Variants in CADM2 observed in about 807,000 individuals in gnomAD.
The protein encoded by CADM2 is immunoglobulin superfamily member 4D.
Under a neutral mutation model 49.8 loss-of-function variants are expected in CADM2, and 12 were observed. The ratio of observed to expected loss-of-function variants is 0.24; its 90% confidence interval spans 0.15 to 0.39. The LOEUF is 0.39. Among genes scored for constraint, CADM2 ranks in the 10% least tolerant of loss-of-function variants. The probability of loss-of-function intolerance (pLI) is 1.00; values close to 1 mark genes in which losing one functional copy is unlikely to be tolerated. For synonymous variants in CADM2, 214 were observed against 175.4 expected (o/e 1.22, Z -1.74); for missense variants, 378 against 492.3 (o/e 0.77, Z 2.20).
intron 1 of CADM2, among the ~76,000 whole-genome samples, chr3:85,069,177 T>C (rs1213466386): frequency 2.0e-5 from 3 of 151,620 alleles, no homozygotes; most frequent in East Asian, 1.9e-4. Flanking sequence ...GGAAGAATAA[T>C]GGAAGAGAGA....
chr3:85,139,354 A>T (rs2039510584), intron 1 of CADM2, among the ~76,000 whole-genome samples: 1 of 152,152 alleles, frequency 6.6e-6, no homozygotes, highest in South Asian at 2.1e-4. Context: ...ATCATTTGAG[A>T]CAAAATAATT....
intron 2 of CADM2, among the ~76,000 whole-genome samples, chr3:85,760,201 C>T (rs1016878775): frequency 2.6e-5 from 4 of 152,086 alleles, no homozygotes; most frequent in Non-Finnish European, 5.9e-5. Flanking sequence ...CAAATGTACA[C>T]ATTGGGAAAA....
At chr3:85,715,139 G>A (rs1057101583) in intron 1 of CADM2, among the ~76,000 whole-genome samples, 1 of 152,144 alleles carries the variant, frequency 6.6e-6, no homozygotes, top group Non-Finnish European at 1.5e-5. Context: ...TGCATAGGGA[G>A]AGAATGCTTA....
rs1001845755 is a variant in CADM2, at chr3:85,154,832, C to G, written c.61+195164C>G. ...TTTCAACCCAGAATTTCATATCCAG[C>G]CAAACTAAGCTTCATAAGTGAAGGA... On this transcript the variant is annotated intron_variant, in intron 1 of 9. Transcript: ENST00000383699. 2.2e-3 allele frequency among the ~76,000 whole-genome samples: 322 copies of G among 148,246 alleles called. 2 individuals carry two copies. The highest frequency in any genetic ancestry group is 8.0e-3 in the South Asian group (36 of 4,508).
intron 1 of CADM2, among the ~76,000 whole-genome samples, chr3:85,082,138 T>G (rs183917380): frequency 6.6e-6 from 1 of 152,290 alleles, no homozygotes; most frequent in East Asian, 1.9e-4. Context: ...CACAAGCGTC[T>G]CTTCTGTCAT....
intron 5 of CADM2, among the ~76,000 whole-genome samples, chr3:85,905,457 G>C (rs146713213): frequency 6.0e-4 from 91 of 152,146 alleles, no homozygotes; most frequent in African/African-American, 2.0e-3. Flanking sequence ...TTACTAGAAG[G>C]AAAAGAAGCT....
intron 1 of CADM2, among the ~76,000 whole-genome samples, chr3:85,686,308 G>GA (rs1284750593): frequency 6.6e-6 from 1 of 152,044 alleles, no homozygotes; most frequent in African/African-American, 2.4e-5. Context: ...TGTACATATT[G>GA]AAAAAAATGC....
At chr3:85,282,272 T>C (rs1229958517) in intron 1 of CADM2, among the ~76,000 whole-genome samples, 2 of 147,122 alleles carry the variant, frequency 1.4e-5, no homozygotes, top group Admixed American at 1.4e-4. Flanking sequence ...TTTTGCCTTT[T>C]TTTTTTTTTC....
chr3:85,159,557 C>T (rs2040250500), intron 1 of CADM2, among the ~76,000 whole-genome samples: 1 of 152,102 alleles, frequency 6.6e-6, no homozygotes. Context: ...AAAAATTTTT[C>T]GTAGTGCTTA....
chr3:85,112,518 G>A (rs2038495631), intron 1 of CADM2, among the ~76,000 whole-genome samples: 1 of 151,802 alleles, frequency 6.6e-6, no homozygotes, highest in African/African-American at 2.4e-5. Context: ...AGGAGGAAAA[G>A]TCACTGCTAT....
chr3:85,227,452 C>CTTTTTTTTTTTT, intron 1 of CADM2, among the ~76,000 whole-genome samples: 1 of 120,846 alleles, frequency 8.3e-6, no homozygotes, highest in African/African-American at 3.2e-5. Flanking sequence ...GCAACCCCTG[C>CTTTTTTTTTTTT]TTTTTTTTTT....
chr3:85,719,590 A>G (rs1184837012), intron 1 of CADM2, among the ~76,000 whole-genome samples: 3 of 152,210 alleles, frequency 2.0e-5, no homozygotes, highest in Admixed American at 2.0e-4. Context: ...ACTCTTCATT[A>G]AGTGGAGGTG....
At chr3:85,883,246 G>T (rs1400577618) in intron 3 of CADM2, 45 bp from the exon 4 acceptor site, 13 of 1,531,314 alleles carry the variant, frequency 8.5e-6, no homozygotes, top group Non-Finnish European at 1.2e-5. Flanking sequence ...AATACTGACT[G>T]TTTCTGATGT....
At chr3:85,970,443 G>T (rs1725980361) in intron 8 of CADM2, among the ~76,000 whole-genome samples, 1 of 151,456 alleles carries the variant, frequency 6.6e-6, no homozygotes, top group Admixed American at 6.6e-5. Context: ...TTCAGGGATT[G>T]TGTTCTAAGG....
intron 1 of CADM2, among the ~76,000 whole-genome samples, chr3:85,607,359 A>AG (rs1460365115): frequency 6.6e-6 from 1 of 152,106 alleles, no homozygotes; most frequent in Non-Finnish European, 1.5e-5. Context: ...GACAGTGTGC[A>AG]GGGGAGAAAT....
At chr3:85,159,658 G>T (rs1348600034) in intron 1 of CADM2, among the ~76,000 whole-genome samples, 1 of 152,170 alleles carries the variant, frequency 6.6e-6, no homozygotes, top group Non-Finnish European at 1.5e-5. Context: ...AAGTGGGTCA[G>T]AGAGCAAGCT....
intron 1 of CADM2, among the ~76,000 whole-genome samples, chr3:85,025,463 G>A (rs2034684622): frequency 3.3e-5 from 5 of 152,012 alleles, no homozygotes; most frequent in Admixed American, 3.3e-4. Flanking sequence ...TAAACTTTAG[G>A]AAATATTATC....
intron 1 of CADM2, among the ~76,000 whole-genome samples, chr3:85,613,186 T>G (rs2063720378): frequency 6.6e-6 from 1 of 151,770 alleles, no homozygotes. Context: ...AAGAGAATAT[T>G]AAGCAGTGAG....
chr3:85,134,233 C>G (rs1215605864), intron 1 of CADM2, among the ~76,000 whole-genome samples: 3 of 152,226 alleles, frequency 2.0e-5, no homozygotes, highest in Non-Finnish European at 4.4e-5. Flanking sequence ...GGTTCCCGCT[C>G]GCGCGTCTCC....
Sources: gnomAD v4.1 joint callset for allele counts (sites outside exome capture counted in the v4.1 genomes callset) on GRCh38, gnomAD v4.1.1 for gene constraint, MANE v1.5 for transcripts, NCBI Gene and HGNC (gene_info 2026-07-23, HGNC 2026-07-21) for gene names.